The following OPCML variants were observed in gnomAD, a reference collection of about 807,000 sequenced individuals.
OPCML encodes the protein opioid binding protein/cell adhesion molecule like, also known as opioid-binding protein/cell adhesion molecule.
A neutral mutation model predicts 37.8 loss-of-function variants in OPCML; 13 were observed. The ratio of observed to expected loss-of-function variants is 0.34; its 90% CI spans 0.22 to 0.55. The LOEUF (loss-of-function observed/expected upper bound fraction) is 0.55. OPCML is among the 20% of genes least tolerant of loss of function. The pLI is 0.91. For missense variants in OPCML, 341 were observed against 435.6 expected (o/e 0.78, Z 1.93); for synonymous variants, 176 against 168.8 (o/e 1.04, Z -0.33).
chr11:133,229,515 A>G (rs933951261), intron 1 of OPCML, among the ~76,000 whole-genome samples: 1 of 152,124 alleles, frequency 6.6e-6, no homozygotes, highest in African/African-American at 2.4e-5. Flanking sequence ...AAAATGAACA[A>G]TTTAAAGGAT....
chr11:132,965,366 G>T (rs538922070), intron 1 of OPCML, among the ~76,000 whole-genome samples: 2 of 152,038 alleles, frequency 1.3e-5, no homozygotes, highest in Non-Finnish European at 1.5e-5. Context: ...TTTTGTGTCG[G>T]GGGGAGATGT....
chr11:133,296,046 T>G (rs1371317553), intron 1 of OPCML, among the ~76,000 whole-genome samples: 1 of 152,128 alleles, frequency 6.6e-6, no homozygotes, highest in Non-Finnish European at 1.5e-5. Context: ...CCTTAACAAG[T>G]AAAGAGAGAT....
intron 2 of OPCML, among the ~76,000 whole-genome samples, chr11:132,878,644 T>C (rs865803172): frequency 6.6e-5 from 10 of 152,210 alleles, no homozygotes; most frequent in Non-Finnish European, 8.8e-5. Context: ...CATATGTACA[T>C]ATAGATATAT....
chr11:133,413,799 G>C (rs1378373538), intron 1 of OPCML, among the ~76,000 whole-genome samples: 1 of 152,176 alleles, frequency 6.6e-6, no homozygotes, highest in East Asian at 1.9e-4. Context: ...AGTGATTGTG[G>C]CTGTCAGGAT....
intron 2 of OPCML, among the ~76,000 whole-genome samples, chr11:132,719,395 C>A (rs553002043): frequency 7.2e-4 from 109 of 152,310 alleles, no homozygotes; most frequent in African/African-American, 2.5e-3. Flanking sequence ...CTGACGAGAA[C>A]CTGAGGTCAA....
At chr11:133,508,545 G>A (rs760829386) in intron 1 of OPCML, among the ~76,000 whole-genome samples, 1 of 152,212 alleles carries the variant, frequency 6.6e-6, no homozygotes, top group Non-Finnish European at 1.5e-5. Flanking sequence ...GGCCCTGGCT[G>A]ACCTGCCTCC....
At chr11:133,029,496 AAAG>A (rs1301649089) in intron 1 of OPCML, among the ~76,000 whole-genome samples, 2 of 152,234 alleles carry the variant, frequency 1.3e-5, no homozygotes, top group Non-Finnish European at 2.9e-5. Flanking sequence ...TGAATTGGAT[AAAG>A]AAGATGTGCT....
At chr11:132,514,033 C>T (rs959326927) in intron 4 of OPCML, among the ~76,000 whole-genome samples, 4 of 152,160 alleles carry the variant, frequency 2.6e-5, no homozygotes, top group African/African-American at 9.7e-5. Context: ...AGATGCAATA[C>T]ATTTAGCCAA....
At chr11:133,292,215 A>C (rs1942498209) in intron 1 of OPCML, among the ~76,000 whole-genome samples, 1 of 152,014 alleles carries the variant, frequency 6.6e-6, no homozygotes, top group Admixed American at 6.5e-5. Flanking sequence ...TCTAAATCAA[A>C]AGGGAGGGGA....
At chr11:132,496,145 T>C (rs1248391703) in intron 4 of OPCML, among the ~76,000 whole-genome samples, 2 of 152,074 alleles carry the variant, frequency 1.3e-5, no homozygotes, top group Middle Eastern at 3.2e-3. Flanking sequence ...ACAGAGGCTG[T>C]GCGTATCATA....
At chr11:132,834,969 C>A (rs992924855) in intron 2 of OPCML, among the ~76,000 whole-genome samples, 27 of 145,842 alleles carry the variant, frequency 1.9e-4, no homozygotes, top group African/African-American at 6.3e-4. Flanking sequence ...GGCTAAGTCC[C>A]CCGGGTGGTG....
intron 2 of OPCML, among the ~76,000 whole-genome samples, chr11:132,798,853 G>A (rs1413675573): frequency 6.6e-6 from 1 of 152,316 alleles, no homozygotes; most frequent in East Asian, 1.9e-4. Flanking sequence ...CTCCATCAGA[G>A]CTCTTGGGTA....
chr11:133,112,313 G>GAAAAAA (rs1565453484), intron 1 of OPCML, among the ~76,000 whole-genome samples: 426 of 65,628 alleles, frequency 6.5e-3, no homozygotes, highest in Non-Finnish European at 0.011. Context: ...AAAAAAAAGG[G>GAAAAAA]GAAAGAAACA....
intron 2 of OPCML, among the ~76,000 whole-genome samples, chr11:132,741,560 T>TA (rs1463557616): frequency 6.6e-6 from 1 of 152,114 alleles, no homozygotes; most frequent in South Asian, 2.1e-4. Context: ...TAAGGCTCTT[T>TA]AAAAAAATGC....
chr11:133,093,266 T>C (rs1948942069), intron 1 of OPCML, among the ~76,000 whole-genome samples: 2 of 150,636 alleles, frequency 1.3e-5, no homozygotes, highest in Admixed American at 6.6e-5. Flanking sequence ...AATGTATCGT[T>C]CTTTTTTTTC....
At chr11:132,804,535 T>C (rs964666033) in intron 2 of OPCML, among the ~76,000 whole-genome samples, 1 of 152,120 alleles carries the variant, frequency 6.6e-6, no homozygotes, top group Non-Finnish European at 1.5e-5. Context: ...CTGGGGAAAA[T>C]GCAGTGCCTG....
intron 3 of OPCML, among the ~76,000 whole-genome samples, chr11:132,601,730 A>T (rs1937922007): frequency 6.6e-6 from 1 of 152,156 alleles, no homozygotes; most frequent in Non-Finnish European, 1.5e-5. Flanking sequence ...AACTCCACCT[A>T]AACTGATCAT....
chr11:132,796,169 T>A (rs775877971), intron 2 of OPCML, among the ~76,000 whole-genome samples: 2 of 152,208 alleles, frequency 1.3e-5, no homozygotes, highest in Non-Finnish European at 2.9e-5. Context: ...GAGTTTGGTA[T>A]CTGCATGAGG....
intron 1 of OPCML, among the ~76,000 whole-genome samples, chr11:133,283,947 C>G (rs980080972): frequency 2.0e-5 from 3 of 148,962 alleles, no homozygotes; most frequent in South Asian, 2.1e-4. Flanking sequence ...TGGATCGCTT[C>G]CCCCCCCAGT....
Sources: allele counts gnomAD v4.1 joint callset (sites outside exome capture counted in the v4.1 genomes callset), GRCh38; gene constraint gnomAD v4.1.1; transcripts MANE v1.5; gene names NCBI Gene and HGNC (gene_info 2026-07-23, HGNC 2026-07-21).